Variants in GNPDA2 observed in about 807,000 individuals in gnomAD.
GNPDA2 encodes the protein glucosamine-6-phosphate deaminase 2, also known as glcN6P deaminase 2.
GNPDA2 carries 24 observed loss-of-function variants against 27.0 expected under a neutral mutation model. That is an observed-to-expected ratio of 0.89 (90% CI 0.64 to 1.25). GNPDA2 has a LOEUF of 1.25. GNPDA2 is among the 50% of genes most tolerant of loss of function. The pLI is 0.00. For missense variants in GNPDA2, 286 were observed against 335.1 expected, an observed-to-expected ratio of 0.85 and a Z score of 1.14; for synonymous variants, 94 against 108.4, an observed-to-expected ratio of 0.87 and a Z score of 0.83.
Position 44,702,833 on chromosome 4 carries a change from T to C in GNPDA2, c.*248A>G. On this transcript the variant is annotated 3_prime_UTR_variant, in exon 7 of 7. Transcript: ENST00000295448. ...AGGCAGACATTTCTATGCTGTTTTA[T>C]AGGTGGCTATGTGACTTCAGTACTT... 1 of 1,325,220 alleles carries C rather than the reference T, an allele frequency of 7.5e-7. No individual in the cohort carries two copies. The highest frequency in any genetic ancestry group is 1.5e-5 in the African/African-American group (1 of 65,236). 82.1% of individuals were successfully genotyped at this position (1,325,220 alleles called of 1,614,324 possible). A position where few individuals can be genotyped will look rare whatever the true frequency, so the allele number is the denominator to read the frequency against.
intron 5 of GNPDA2, among the ~76,000 whole-genome samples, chr4:44,708,199 G>A (rs1403883741): frequency 6.6e-6 from 1 of 152,114 alleles, no homozygotes; most frequent in Non-Finnish European, 1.5e-5. Flanking sequence ...GAATGATGAT[G>A]TATAAAAGAA....
chr4:44,721,698 G>A (rs1325607607), intron 2 of GNPDA2, among the ~76,000 whole-genome samples: 1 of 151,870 alleles, frequency 6.6e-6, no homozygotes, highest in Admixed American at 6.6e-5. Context: ...TAAATTAAGA[G>A]GCAACAGTAC....
intron 1 of GNPDA2, among the ~76,000 whole-genome samples, chr4:44,724,813 A>G (rs758143610): frequency 1.8e-4 from 28 of 152,360 alleles, no homozygotes; most frequent in Admixed American, 5.2e-4. Context: ...TTCTGGCCCG[A>G]TAACAATTAT....
At chr4:44,725,250 A>G (rs1213222963) in intron 1 of GNPDA2, among the ~76,000 whole-genome samples, 1 of 152,202 alleles carries the variant, frequency 6.6e-6, no homozygotes, top group African/African-American at 2.4e-5. Context: ...CACTCTTCAT[A>G]TACAGAAAAC....
At chr4:44,726,209 G>T (rs977355785) in intron 1 of GNPDA2, among the ~76,000 whole-genome samples, 2 of 140,478 alleles carry the variant, frequency 1.4e-5, no homozygotes, top group Non-Finnish European at 3.2e-5. Flanking sequence ...CGAGTGTAGA[G>T]AGAGGTGTCA....
In GNPDA2 at chr4:44,702,276, A is replaced by G. The variant is rs1235022374; in HGVS notation, c.*805T>C. On this transcript the variant is annotated 3_prime_UTR_variant, in exon 7 of 7. Transcript: ENST00000295448. ...TATACTTCGTATTATTCTTTTAGAC[A>G]TTTTATAAGGAATAAAGCTAATTGT... 4 of 625,582 alleles carry G rather than the reference A, an allele frequency of 6.4e-6. No individual in the cohort carries two copies. Among genetic ancestry groups the G allele is most frequent in the Non-Finnish European group, 8.0e-6 (4 of 501,166 alleles). 38.8% of individuals were successfully genotyped at this position (625,582 alleles called of 1,614,324 possible).
At chr4:44,707,697 T>C in intron 6 of GNPDA2, 55 bp downstream of exon 6, 1 of 1,490,292 alleles carries the variant, frequency 6.7e-7, no homozygotes, top group Non-Finnish European at 9.3e-7. Flanking sequence ...ACAGTAAGTT[T>C]TAATTGTCAC....
intron 4 of GNPDA2, among the ~76,000 whole-genome samples, chr4:44,711,788 A>G (rs946384521): frequency 8.1e-5 from 12 of 148,384 alleles, no homozygotes; most frequent in African/African-American, 2.7e-4. Flanking sequence ...TGTAAGAAAT[A>G]ACATTTGATA....
chr4:44,714,058 G>A (rs1345028037), intron 4 of GNPDA2, among the ~76,000 whole-genome samples: 3 of 151,916 alleles, frequency 2.0e-5, no homozygotes, highest in African/African-American at 7.2e-5. Flanking sequence ...CACAACCTCG[G>A]CCTCCCAGGT....
chr4:44,702,406 T>C lies in GNPDA2; in HGVS notation c.*675A>G, dbSNP rs143516558. On this transcript the variant is annotated 3_prime_UTR_variant, in exon 7 of 7. Transcript: ENST00000295448. ...TGTCAAGATACTTATATTAGGGACA[T>C]GAACCCAAGTCGTTAAATAAAAATA... is the stretch of plus-strand genomic sequence containing the variant. 1.3e-3 allele frequency: 1,242 copies of C among 973,538 alleles called. 8 individuals are homozygous for C. In the African/African-American group the frequency reaches 0.019, roughly 15 times the overall value. The allele number at this position is 973,538 out of a possible 1,614,324, so 60.3% of individuals were successfully genotyped here.
chr4:44,721,339 A>C (rs1025496622), intron 2 of GNPDA2, among the ~76,000 whole-genome samples: 1 of 152,106 alleles, frequency 6.6e-6, no homozygotes, highest in African/African-American at 2.4e-5. Context: ...ACAGCATCTT[A>C]AGTTATTATC....
intron 1 of GNPDA2, among the ~76,000 whole-genome samples, chr4:44,725,369 T>C (rs1717945519): frequency 6.6e-6 from 1 of 152,218 alleles, no homozygotes; most frequent in Admixed American, 6.5e-5. Flanking sequence ...GTCTTACCGG[T>C]TGAGAATCAC....
At chr4:44,703,877 A>G in intron 6 of GNPDA2, 1 of 985,114 alleles carries the variant, frequency 1.0e-6, no homozygotes, top group Non-Finnish European at 1.2e-6. Context: ...AAAGTTCTAA[A>G]AAGACTGACC....
In GNPDA2 at chr4:44,710,985, CAGTT is replaced by C. The variant is rs1560359366; in HGVS notation, c.558_561del (p.Thr187LeufsTer6). The stretch of plus-strand genomic sequence containing the variant: ...GCATCCATCACTGTCCCCACACCAA[CAGTT>C]AGAGCCATAGTTGGCACTTTTGATA... On this transcript the variant is annotated frameshift_variant, in exon 5 of 7. Coordinates refer to ENST00000295448, the MANE Select transcript of GNPDA2 (RefSeq NM_138335.3). LOFTEE classifies it high-confidence loss of function. 6 of 1,611,636 alleles carry C rather than the reference CAGTT, an allele frequency of 3.7e-6. No homozygotes were observed. Among genetic ancestry groups the C allele is most frequent in the South Asian group, 1.1e-5 (1 of 90,650 alleles).
At chr4:44,705,883 A>G (rs953194427) in intron 6 of GNPDA2, 1 of 152,020 alleles carries the variant, frequency 6.6e-6, no homozygotes, top group Non-Finnish European at 1.5e-5. Flanking sequence ...TTTTGTGATA[A>G]GTAAATCAAT....
At chr4:44,714,362 T>A (rs1024326407) in intron 4 of GNPDA2, 1 of 985,406 alleles carries the variant, frequency 1.0e-6, no homozygotes, top group Non-Finnish European at 1.2e-6. Context: ...TTACCCTTTC[T>A]CTGAACACGT....
At chr4:44,724,982 A>G (rs1717922342) in intron 1 of GNPDA2, among the ~76,000 whole-genome samples, 1 of 152,178 alleles carries the variant, frequency 6.6e-6, no homozygotes, top group Non-Finnish European at 1.5e-5. Context: ...ACATCAAAAG[A>G]TATATTTACT....
chr4:44,707,019 A>G (rs1716646868), intron 6 of GNPDA2: 1 of 152,156 alleles, frequency 6.6e-6, no homozygotes, highest in Non-Finnish European at 1.5e-5. Flanking sequence ...GTTTGCTTAC[A>G]TATGTGTAAT....
chr4:44,720,353 G>A (rs1717587035), intron 2 of GNPDA2, among the ~76,000 whole-genome samples: 2 of 152,156 alleles, frequency 1.3e-5, no homozygotes, highest in African/African-American at 4.8e-5. Context: ...TCTGGTGCCA[G>A]AGTTCATATA....
Sources: gnomAD v4.1 joint callset for allele counts (sites outside exome capture counted in the v4.1 genomes callset) on GRCh38, gnomAD v4.1.1 for gene constraint, MANE v1.5 for transcripts, NCBI Gene and HGNC (gene_info 2026-07-23, HGNC 2026-07-21) for gene names.